HOMER2: variants seen among roughly 807,000 people sequenced by gnomAD.
The protein encoded by HOMER2 is homer scaffold protein 2.
In HOMER2, 27 loss-of-function variants were observed where a neutral mutation model predicts 47.0. The ratio of observed to expected loss-of-function variants is 0.57; its 90% CI spans 0.42 to 0.79. The LOEUF (loss-of-function observed/expected upper bound fraction) is 0.79. Among genes scored for constraint, HOMER2 ranks in the 30% least tolerant of loss-of-function variants. HOMER2 has a pLI of 0.00. For synonymous variants in HOMER2, 161 were observed against 163.8 expected (o/e 0.98, Z 0.13); for missense variants, 443 against 435.0 (o/e 1.02, Z -0.16).
chr15:82,939,694 A>C (rs910265815), intron 1 of HOMER2, among the ~76,000 whole-genome samples: 3 of 151,998 alleles, frequency 2.0e-5, no homozygotes, highest in African/African-American at 7.3e-5. Flanking sequence ...AAAGAACATG[A>C]ATTTTGCTCT....
intron 1 of HOMER2, among the ~76,000 whole-genome samples, chr15:82,893,977 T>C (rs375659628): frequency 1.1e-4 from 16 of 152,322 alleles, no homozygotes; most frequent in Admixed American, 2.0e-4. Flanking sequence ...TATCTCTGTA[T>C]CTCTTCAGTC....
chr15:82,871,736 T>C (rs979313510), intron 3 of HOMER2, among the ~76,000 whole-genome samples: 3 of 152,140 alleles, frequency 2.0e-5, no homozygotes, highest in African/African-American at 7.2e-5. Context: ...TTTTCTTCTG[T>C]CTGGGAAAAA....
chr15:82,984,561 G>A (rs572173446), intron 1 of HOMER2, among the ~76,000 whole-genome samples: 2 of 152,234 alleles, frequency 1.3e-5, no homozygotes, highest in Non-Finnish European at 2.9e-5. Context: ...GCTCAGGCCT[G>A]TAATCCCAGC....
chr15:82,910,208 G>A (rs1321783472), intron 1 of HOMER2, among the ~76,000 whole-genome samples: 2 of 150,212 alleles, frequency 1.3e-5, no homozygotes, highest in African/African-American at 4.9e-5. Flanking sequence ...AGAAAGTGAC[G>A]GACATCTCAA....
exon 2 of HOMER2, chr15:82,958,164 A>G (rs993890205): frequency 2.6e-5 from 4 of 152,122 alleles, no homozygotes; most frequent in African/African-American, 9.7e-5. Context: ...TTAACTGAGC[A>G]CCTATTTTGA....
At chr15:82,841,501 T>A (rs1248906291) in exon 2 of HOMER2, 2 of 147,274 alleles carry the variant, frequency 1.4e-5, no homozygotes, top group African/African-American at 5.1e-5. Flanking sequence ...AATTTATAGT[T>A]TTGGAGAAAC....
At chr15:82,851,111 C>T in intron 8 of HOMER2, 40 bp downstream of exon 8, 1 of 1,329,238 alleles carries the variant, frequency 7.5e-7, no homozygotes, top group South Asian at 1.3e-5. Flanking sequence ...TTTGTGCCTT[C>T]TTGTCTGAGC....
intron 6 of HOMER2, among the ~76,000 whole-genome samples, chr15:82,854,030 G>A (rs887872878): frequency 7.9e-5 from 12 of 152,276 alleles, no homozygotes; most frequent in East Asian, 1.9e-4. Flanking sequence ...GCTGAGGGAG[G>A]GCACTCTGAG....
chr15:82,968,998 C>T (rs1393492480), intron 1 of HOMER2, among the ~76,000 whole-genome samples: 1 of 152,166 alleles, frequency 6.6e-6, no homozygotes, highest in Non-Finnish European at 1.5e-5. Context: ...TTCTCTAAGA[C>T]ATAATTGATC....
chr15:82,958,043 T>C (rs564225608), downstream of HOMER2: 2 of 152,218 alleles, frequency 1.3e-5, no homozygotes, highest in Non-Finnish European at 2.9e-5. Flanking sequence ...TTCACCATGT[T>C]GGCCAGGCTG....
chr15:82,977,291 C>T (rs2030238485), intron 1 of HOMER2, among the ~76,000 whole-genome samples: 1 of 152,172 alleles, frequency 6.6e-6, no homozygotes, highest in Non-Finnish European at 1.5e-5. Context: ...CATGTGTTAT[C>T]TGAGGGAACA....
At chr15:82,853,485 T>C (rs1311530509) in intron 6 of HOMER2, among the ~76,000 whole-genome samples, 2 of 151,846 alleles carry the variant, frequency 1.3e-5, no homozygotes, top group African/African-American at 4.8e-5. Flanking sequence ...AGTAAGACAG[T>C]GTGACAGAGG....
At chr15:82,956,095 C>A (rs1444721961), upstream of HOMER2, among the ~76,000 whole-genome samples, 1 of 151,964 alleles carries the variant, frequency 6.6e-6, no homozygotes, top group Non-Finnish European at 1.5e-5. Flanking sequence ...CAAAACCTAG[C>A]CAGGCATGGT....
At chr15:82,905,832 G>A (rs959354969) in intron 1 of HOMER2, among the ~76,000 whole-genome samples, 1 of 152,108 alleles carries the variant, frequency 6.6e-6, no homozygotes, top group African/African-American at 2.4e-5. Context: ...CAGAAAGAAG[G>A]AAAATGAGAT....
chr15:82,930,540 C>T (rs1018606438), intron 1 of HOMER2, among the ~76,000 whole-genome samples: 1 of 152,202 alleles, frequency 6.6e-6, no homozygotes, highest in African/African-American at 2.4e-5. Flanking sequence ...CACAGATTCT[C>T]CAGAAGTTTC....
intron 2 of HOMER2, among the ~76,000 whole-genome samples, chr15:82,882,892 T>C (rs1448810230): frequency 7.3e-5 from 2 of 27,506 alleles, no homozygotes; most frequent in African/African-American, 3.4e-4. Flanking sequence ...TTTTTTTTTT[T>C]TTTTTTTTTT....
chr15:82,859,670 G>GC (rs1312146302), intron 4 of HOMER2, among the ~76,000 whole-genome samples: 3 of 152,192 alleles, frequency 2.0e-5, no homozygotes, highest in African/African-American at 7.2e-5. Flanking sequence ...CCTGTTGTTT[G>GC]CCCACTCCCT....
intron 1 of HOMER2, among the ~76,000 whole-genome samples, chr15:82,916,208 C>G (rs60714361): frequency 2.0e-5 from 3 of 152,206 alleles, no homozygotes; most frequent in Non-Finnish European, 4.4e-5. Flanking sequence ...AGCCAACACT[C>G]GGAGCGTGGA....
chr15:82,842,397 T>TGGGTTCACTGCCTCAGCCTCCC (rs2051185084), exon 2 of HOMER2: 1 of 151,496 alleles, frequency 6.6e-6, no homozygotes, highest in Non-Finnish European at 1.5e-5. Context: ...CTCTGCCTCC[T>TGGGTTCACTGCCTCAGCCTCCC]GGGTTCACTG....
Sources: allele counts gnomAD v4.1 joint callset (sites outside exome capture counted in the v4.1 genomes callset), GRCh38; gene constraint gnomAD v4.1.1; transcripts MANE v1.5; gene names NCBI Gene and HGNC (gene_info 2026-07-23, HGNC 2026-07-21).